The following MAMDC2 variants were observed in gnomAD, a reference collection of about 807,000 sequenced individuals.
MAMDC2 encodes MAM domain containing 2.
Under a neutral mutation model 89.8 loss-of-function variants are expected in MAMDC2, and 57 were observed. The observed-to-expected ratio is 0.63, with a 90% CI of 0.51 to 0.79. The LOEUF is 0.79. Ranked by LOEUF, MAMDC2 falls within the 30% of genes least tolerant of loss-of-function variation. The pLI is 0.00. For missense variants in MAMDC2, 800 were observed against 820.6 expected (o/e 0.97, Z 0.31); for synonymous variants, 313 against 293.4 (o/e 1.07, Z -0.68).
intron 4 of MAMDC2, among the ~76,000 whole-genome samples, chr9:70,112,697 T>A (rs1828541415): frequency 6.6e-6 from 1 of 152,054 alleles, no homozygotes; most frequent in Admixed American, 6.5e-5. Context: ...GGGAACATTG[T>A]CCCCATTTCA....
chr9:70,215,300 A>G (rs1036470603), intron 11 of MAMDC2, among the ~76,000 whole-genome samples: 2 of 152,198 alleles, frequency 1.3e-5, no homozygotes, highest in Admixed American at 1.3e-4. Flanking sequence ...TGACCACTCG[A>G]GTTCGTAATG....
chr9:70,058,691 C>T (rs143256363), intron 2 of MAMDC2, among the ~76,000 whole-genome samples: 6 of 152,244 alleles, frequency 3.9e-5, no homozygotes, highest in African/African-American at 9.6e-5. Flanking sequence ...GCAATTGCAA[C>T]GTTCATTTAT....
At chr9:70,156,904 T>C (rs1042430011) in intron 9 of MAMDC2, among the ~76,000 whole-genome samples, 1 of 152,204 alleles carries the variant, frequency 6.6e-6, no homozygotes, top group African/African-American at 2.4e-5. Flanking sequence ...ACTGGGAAGA[T>C]AGATTAGCAC....
chr9:70,049,453 G>A (rs1369318565), intron 2 of MAMDC2, among the ~76,000 whole-genome samples: 1 of 152,146 alleles, frequency 6.6e-6, no homozygotes, highest in African/African-American at 2.4e-5. Context: ...AAGGATCCCA[G>A]GTTCCTGGGA....
At chr9:70,180,020 C>T (rs1019995286) in intron 11 of MAMDC2, among the ~76,000 whole-genome samples, 1 of 151,718 alleles carries the variant, frequency 6.6e-6, no homozygotes, top group Non-Finnish European at 1.5e-5. Context: ...TTTGTCCCCC[C>T]ACCCCCCAAC....
intron 2 of MAMDC2, among the ~76,000 whole-genome samples, chr9:70,101,661 G>A (rs1370884216): frequency 6.6e-6 from 1 of 152,276 alleles, no homozygotes; most frequent in East Asian, 1.9e-4. Context: ...AGGAGTAATA[G>A]GCTGTCTCAT....
In MAMDC2 at chr9:70,044,141, G is replaced by C; in HGVS notation, c.-57G>C. ...CGATCCCTTTCACTAGGAGCAGCCAGTCCCAGCGGGCTGGCAACTTGCACC... is the reference window on the plus strand; with the variant it reads ...CGATCCCTTTCACTAGGAGCAGCCACTCCCAGCGGGCTGGCAACTTGCACC... On this transcript the variant is annotated 5_prime_UTR_variant, in exon 1 of 14. Coordinates refer to ENST00000377182, the MANE Select transcript of MAMDC2 (RefSeq NM_153267.5). 9 of 1,606,438 alleles carry C rather than the reference G, an allele frequency of 5.6e-6. No individual in the cohort carries two copies. The highest frequency in any genetic ancestry group is 7.7e-6 in the Non-Finnish European group (9 of 1,174,194).
intron 9 of MAMDC2, among the ~76,000 whole-genome samples, chr9:70,145,575 C>T (rs567864324): frequency 1.4e-3 from 33 of 23,656 alleles, no homozygotes; most frequent in Admixed American, 2.8e-3. Context: ...CGCATGTACA[C>T]ACACACATGC....
chr9:70,216,946 C>G lies in MAMDC2; in HGVS notation c.1652-1391C>G, dbSNP rs150263109. ...TAAATAGTCCCATCATGGCCCAGTT[C>G]CAGCTACCAATGTGAAATCACCTGG... On this transcript the variant is annotated intron_variant, in intron 11 of 13. Coordinates refer to ENST00000377182, the MANE Select transcript of MAMDC2 (RefSeq NM_153267.5). Among the ~76,000 whole-genome samples, 596 of 152,296 alleles carry G rather than the reference C, an allele frequency of 3.9e-3. 3 individuals carry two copies. The highest frequency in any genetic ancestry group is 0.013 in the African/African-American group (553 of 41,554).
At chr9:70,221,014 G>C (rs936010849) in intron 12 of MAMDC2, among the ~76,000 whole-genome samples, 1 of 151,992 alleles carries the variant, frequency 6.6e-6, no homozygotes, top group Admixed American at 6.6e-5. Context: ...GGCAGAACTG[G>C]TATTCTCAAC....
At chr9:70,212,056 G>A (rs1220834428) in intron 11 of MAMDC2, among the ~76,000 whole-genome samples, 2 of 152,252 alleles carry the variant, frequency 1.3e-5, no homozygotes, top group Non-Finnish European at 1.5e-5. Flanking sequence ...GTGTCTCCCA[G>A]TTAGGCTACT....
At chr9:70,154,566 C>T (rs1243571428) in intron 9 of MAMDC2, among the ~76,000 whole-genome samples, 1 of 145,494 alleles carries the variant, frequency 6.9e-6, no homozygotes, top group Non-Finnish European at 1.5e-5. Flanking sequence ...TCTCTGTTGC[C>T]CAGGTTGGAA....
chr9:70,126,124 C>G, intron 5 of MAMDC2, 35 bp from the exon 6 acceptor site: 1 of 1,570,816 alleles, frequency 6.4e-7, no homozygotes, highest in South Asian at 1.2e-5. Context: ...CCACCCCCAA[C>G]TCTTAACACT....
intron 2 of MAMDC2, among the ~76,000 whole-genome samples, chr9:70,050,558 TG>T (rs1372858627): frequency 7.9e-5 from 12 of 152,232 alleles, no homozygotes; most frequent in Non-Finnish European, 1.8e-4. Flanking sequence ...CACATGAGAT[TG>T]TTGTGAAGAC....
At chr9:70,210,684 T>G (rs1220566149) in intron 11 of MAMDC2, among the ~76,000 whole-genome samples, 3 of 152,216 alleles carry the variant, frequency 2.0e-5, no homozygotes, top group Non-Finnish European at 4.4e-5. Context: ...TGACGTTAGC[T>G]GGTTATTTTG....
intron 11 of MAMDC2, chr9:70,217,664 G>A (rs1004596226): frequency 1.6e-5 from 25 of 1,577,714 alleles, no homozygotes; most frequent in African/African-American, 1.5e-4. Flanking sequence ...GGTGGAAAAC[G>A]CTAAACTGGC....
At chr9:70,127,709 G>C (rs905240979) in intron 6 of MAMDC2, among the ~76,000 whole-genome samples, 1 of 150,132 alleles carries the variant, frequency 6.7e-6, no homozygotes, top group African/African-American at 2.5e-5. Context: ...AAACACTCTA[G>C]AGAGAGCACA....
chr9:70,151,446 G>A (rs2031576337), intron 9 of MAMDC2, among the ~76,000 whole-genome samples: 1 of 152,164 alleles, frequency 6.6e-6, no homozygotes, highest in Admixed American at 6.6e-5. Context: ...ACTGTGCCCT[G>A]GTGCAAAGTA....
chr9:70,147,775 G>A (rs562416872), intron 9 of MAMDC2, among the ~76,000 whole-genome samples: 6 of 150,420 alleles, frequency 4.0e-5, no homozygotes, highest in South Asian at 2.1e-4. Context: ...CTATGAGGGC[G>A]CCCTTGGCAT....
Sources: allele counts gnomAD v4.1 joint callset (sites outside exome capture counted in the v4.1 genomes callset), GRCh38; gene constraint gnomAD v4.1.1; transcripts MANE v1.5; gene names NCBI Gene and HGNC (gene_info 2026-07-23, HGNC 2026-07-21).